Variants in C10orf67 observed in about 807,000 individuals in gnomAD.
The protein encoded by C10orf67 is uncharacterized protein C10orf67, mitochondrial.
Under a neutral mutation model 35.6 loss-of-function variants are expected in C10orf67, and 60 were observed. The ratio of observed to expected loss-of-function variants is 1.68; its 90% CI spans 1.37 to 2.09. The LOEUF is 2.09. Among genes scored for constraint, C10orf67 ranks in the 30% most tolerant of loss-of-function variants. The pLI is 0.00. For synonymous variants in C10orf67, 167 were observed against 115.8 expected, an observed-to-expected ratio of 1.44 and a Z score of -2.84; for missense variants, 474 against 330.2, an observed-to-expected ratio of 1.44 and a Z score of -3.38.
At chr10:23,266,951 C>T (rs1243108943) in intron 9 of C10orf67, among the ~76,000 whole-genome samples, 2 of 152,052 alleles carry the variant, frequency 1.3e-5, no homozygotes, top group Admixed American at 6.5e-5. Flanking sequence ...CACTGTGTTG[C>T]GCAGGCTGGT....
chr10:23,308,825 A>G (rs1222027938), intron 4 of C10orf67, among the ~76,000 whole-genome samples: 4 of 152,186 alleles, frequency 2.6e-5, no homozygotes, highest in Non-Finnish European at 5.9e-5. Context: ...GATAGTGCCT[A>G]CAACAAAGAC....
intron 10 of C10orf67, among the ~76,000 whole-genome samples, chr10:23,265,415 A>G (rs1842861834): frequency 6.6e-6 from 1 of 152,256 alleles, no homozygotes; most frequent in African/African-American, 2.4e-5. Context: ...ATGTGGGAAC[A>G]CGTAGGAACA....
chr10:23,231,661 C>A (rs979290052), intron 13 of C10orf67, among the ~76,000 whole-genome samples: 1 of 152,180 alleles, frequency 6.6e-6, no homozygotes, highest in African/African-American at 2.4e-5. Context: ...AGTATAAAAC[C>A]TGGAAGAGCT....
chr10:23,248,947 TA>T lies in C10orf67; in HGVS notation c.1346+1507del, dbSNP rs543891329. ...AGAAAATCAATTAGAAGTAAAACTT[TA>T]AACTCCATCTCTACTAAAAATACAA... is the stretch of plus-strand genomic sequence containing the variant. On this transcript the variant is annotated intron_variant, in intron 12 of 15. Coordinates refer to ENST00000636213, the MANE Select transcript of C10orf67 (RefSeq NM_001371909.1). 3.0e-3 allele frequency among the ~76,000 whole-genome samples: 457 copies of T among 151,634 alleles called. 4 individuals are homozygous for T. Among genetic ancestry groups the T allele is most frequent in the Non-Finnish European group, 5.2e-3 (355 of 67,862 alleles).
intron 4 of C10orf67, chr10:23,318,442 A>G (rs1209970290): frequency 6.4e-6 from 1 of 156,032 alleles, no homozygotes; most frequent in Non-Finnish European, 1.4e-5. Context: ...TAGAGGGGAA[A>G]CATTCAGAGT....
intron 10 of C10orf67, among the ~76,000 whole-genome samples, chr10:23,251,380 A>G (rs1320255705): frequency 6.6e-6 from 1 of 152,116 alleles, no homozygotes; most frequent in Non-Finnish European, 1.5e-5. Flanking sequence ...TCCCCCAGTT[A>G]CTCATTTCCT....
chr10:23,296,287 T>C (rs1843878019), intron 5 of C10orf67, among the ~76,000 whole-genome samples: 1 of 152,172 alleles, frequency 6.6e-6, no homozygotes, highest in African/African-American at 2.4e-5. Flanking sequence ...CCAGCTCGAA[T>C]GCCTGGGTTT....
chr10:23,270,552 G>A (rs1411728321), intron 8 of C10orf67, among the ~76,000 whole-genome samples: 1 of 152,310 alleles, frequency 6.6e-6, no homozygotes, highest in Non-Finnish European at 1.5e-5. Context: ...CCGGGGAAGG[G>A]GACTGAATCC....
At chr10:23,225,604 T>C (rs1841713411) in intron 13 of C10orf67, among the ~76,000 whole-genome samples, 2 of 152,066 alleles carry the variant, frequency 1.3e-5, no homozygotes, top group South Asian at 2.1e-4. Context: ...GACCCATCAG[T>C]GTGCTGCATT....
intron 1 of C10orf67, 165 bp downstream of exon 1, chr10:23,344,404 A>G: frequency 2.9e-6 from 2 of 701,134 alleles, no homozygotes; most frequent in Non-Finnish European, 4.7e-6. Context: ...CTGCGCTTTC[A>G]CTGTCCCGCC....
At chr10:23,325,495 T>C (rs1349742868) in intron 2 of C10orf67, among the ~76,000 whole-genome samples, 2 of 124,708 alleles carry the variant, frequency 1.6e-5, no homozygotes, top group Admixed American at 1.6e-4. Context: ...AAAAAAGATA[T>C]AATTTTCTGT....
chr10:23,223,613 G>C lies in C10orf67; in HGVS notation c.1555C>G (p.Gln519Glu). 1.4e-6 allele frequency: 1 copy of C among 717,446 alleles called. No homozygotes were observed. The highest frequency in any genetic ancestry group is 2.6e-6 in the Non-Finnish European group (1 of 384,964). 44.4% of individuals were successfully genotyped at this position (717,446 alleles called of 1,614,324 possible). Residue 519 changes from glutamine (Q) to glutamate (E), a missense_variant, in exon 15 of 16, where the codon CAA becomes GAA. Coordinates refer to ENST00000636213, the MANE Select transcript of C10orf67 (RefSeq NM_001371909.1). ...VDVVSDQAAL[Q>E]LSPKGKLSES... ...TGATTCTTACCTTTTGGTGAAAGTTGAAGGGCTGCCTGATCACTGACTACA... is the reference window on the plus strand; with the variant it reads ...TGATTCTTACCTTTTGGTGAAAGTTCAAGGGCTGCCTGATCACTGACTACA...
intron 4 of C10orf67, among the ~76,000 whole-genome samples, chr10:23,309,358 G>T (rs553897181): frequency 6.6e-6 from 1 of 152,224 alleles, no homozygotes; most frequent in South Asian, 2.1e-4. Flanking sequence ...TGAACATAAG[G>T]ACGAAAATAA....
chr10:23,316,144 A>G (rs1844702357), intron 4 of C10orf67, among the ~76,000 whole-genome samples: 1 of 152,232 alleles, frequency 6.6e-6, no homozygotes, highest in South Asian at 2.1e-4. Flanking sequence ...GCCAAGGGCA[A>G]GCCAGATGCA....
At position 23,342,218 on chromosome 10, in the gene C10orf67, C is replaced by CCACACACACACACACA. The variant is rs111662364; in HGVS notation, c.206+2335_206+2350dup. Reference sequence around the variant, plus strand: ...TAAATCACAGCTCCCTCCCCACTTGCCACACACACACACACACACACACTC... The same window carrying CCACACACACACACACA: ...TAAATCACAGCTCCCTCCCCACTTGCCACACACACACACACACACACACACACACACACACACACTC... On this transcript the variant is annotated intron_variant, in intron 1 of 15. Coordinates refer to ENST00000636213, the MANE Select transcript of C10orf67 (RefSeq NM_001371909.1). 6.0e-5 allele frequency among the ~76,000 whole-genome samples: 9 copies of CCACACACACACACACA among 149,692 alleles called. No individual in the cohort carries two copies. In the East Asian group the frequency reaches 1.2e-3, roughly 20 times the overall value.
At chr10:23,269,284 T>G (rs1054956396) in intron 8 of C10orf67, among the ~76,000 whole-genome samples, 23 of 152,132 alleles carry the variant, frequency 1.5e-4, no homozygotes, top group Non-Finnish European at 2.9e-4. Context: ...TAAATAAACA[T>G]ATATGTTTGC....
At chr10:23,330,523 G>A (rs1246622542) in intron 2 of C10orf67, among the ~76,000 whole-genome samples, 1 of 152,064 alleles carries the variant, frequency 6.6e-6, no homozygotes, top group Non-Finnish European at 1.5e-5. Context: ...GATGGATCAC[G>A]AGGTCAGGAG....
intron 2 of C10orf67, among the ~76,000 whole-genome samples, chr10:23,331,706 G>A (rs1845495381): frequency 6.7e-6 from 1 of 149,084 alleles, no homozygotes; most frequent in Non-Finnish European, 1.5e-5. Context: ...GAAGGGGGAA[G>A]GGAAAAGGGG....
chr10:23,331,219 AGGGAAGGG>A (rs1845452278), intron 2 of C10orf67, among the ~76,000 whole-genome samples: 1 of 15,432 alleles, frequency 6.5e-5, no homozygotes. Flanking sequence ...AGGGAAGGGA[AGGGAAGGG>A]AGGAGGGAAG....
Sources: gnomAD v4.1 joint callset for allele counts (sites outside exome capture counted in the v4.1 genomes callset) on GRCh38, gnomAD v4.1.1 for gene constraint, MANE v1.5 for transcripts, NCBI Gene and HGNC (gene_info 2026-07-23, HGNC 2026-07-21) for gene names.